The following GNB1 variants were observed in gnomAD, a reference collection of about 807,000 sequenced individuals.
GNB1 encodes the protein G protein subunit beta 1, also known as guanine nucleotide-binding protein G(I)/G(S)/G(T) subunit beta-1.
In GNB1, 2 loss-of-function variants were observed where a neutral mutation model predicts 42.9. That is an observed-to-expected ratio of 0.05 (90% CI 0.02 to 0.15). The LOEUF (loss-of-function observed/expected upper bound fraction) is 0.15. Ranked by LOEUF, GNB1 falls within the 10% of genes least tolerant of loss-of-function variation. GNB1 has a pLI of 1.00. For synonymous variants in GNB1, 183 were observed against 174.7 expected, an observed-to-expected ratio of 1.05 and a Z score of -0.38; for missense variants, 193 against 462.2, an observed-to-expected ratio of 0.42 and a Z score of 5.34.
intron 6 of GNB1, among the ~76,000 whole-genome samples, 156 bp downstream of exon 6, chr1:1,806,319 C>T (rs1316337488): frequency 6.6e-6 from 1 of 152,236 alleles, no homozygotes; most frequent in African/African-American, 2.4e-5. Flanking sequence ...CGTGACTCAG[C>T]TTCTATCTCA....
At chr1:1,884,464 G>C (rs1650035508) in intron 1 of GNB1, among the ~76,000 whole-genome samples, 1 of 152,054 alleles carries the variant, frequency 6.6e-6, no homozygotes, top group African/African-American at 2.4e-5. Context: ...CGCTCACCTT[G>C]GCCTCCCAAA....
chr1:1,812,116 A>G (rs1470326762), intron 5 of GNB1, among the ~76,000 whole-genome samples: 1 of 152,120 alleles, frequency 6.6e-6, no homozygotes. Flanking sequence ...GCTTTAAGTC[A>G]TGAAAAACAA....
At chr1:1,876,347 G>A (rs1419535498) in intron 1 of GNB1, among the ~76,000 whole-genome samples, 7 of 151,992 alleles carry the variant, frequency 4.6e-5, no homozygotes, top group Non-Finnish European at 8.8e-5. Context: ...GAGTGCAGTC[G>A]TACAATCAGG....
At chr1:1,795,746 C>T (rs1228461867) in intron 7 of GNB1, among the ~76,000 whole-genome samples, 1 of 53,778 alleles carries the variant, frequency 1.9e-5, no homozygotes, top group Non-Finnish European at 5.4e-5. Flanking sequence ...GAGTGAGACT[C>T]TGCCTCAAAA....
intron 6 of GNB1, among the ~76,000 whole-genome samples, chr1:1,805,870 A>T (rs998334936): frequency 6.6e-6 from 1 of 152,206 alleles, no homozygotes; most frequent in African/African-American, 2.4e-5. Flanking sequence ...TGGAATAACC[A>T]AAATGGACAT....
intron 2 of GNB1, among the ~76,000 whole-genome samples, chr1:1,836,026 G>T (rs1475436322): frequency 6.6e-6 from 1 of 151,110 alleles, no homozygotes; most frequent in Non-Finnish European, 1.5e-5. Flanking sequence ...GGAGGTCATG[G>T]ATGCAGTCAG....
Position 1,787,658 on chromosome 1 carries a change from T to C in GNB1, c.917-221A>G, listed in dbSNP as rs1410939115. On this transcript the variant is annotated intron_variant, in intron 10 of 11. Coordinates refer to ENST00000378609, the MANE Select transcript of GNB1 (RefSeq NM_002074.5). This position sits in a 1 kb window ranked among gnomAD's most constrained non-coding sequence, Gnocchi z 4.4. ...AAGACACGCACACACACGCAATCGATAAATCCAGAGCCCCTGGCATTGACT... is the reference window on the plus strand; with the variant it reads ...AAGACACGCACACACACGCAATCGACAAATCCAGAGCCCCTGGCATTGACT... Among the ~76,000 whole-genome samples the C allele has an allele frequency of 1.3e-5, 2 of 152,106 alleles. No individual in the cohort carries two copies. The highest frequency in any genetic ancestry group is 2.9e-5 in the Non-Finnish European group (2 of 68,020).
rs562731132 is a variant in GNB1 at position 1,841,105 on chromosome 1, T to C, written c.-95-1867A>G. Among the ~76,000 whole-genome samples the C allele has an allele frequency of 2.6e-5, 4 of 152,222 alleles. No individual in the cohort carries two copies. In the East Asian group the frequency reaches 7.7e-4, roughly 29 times the overall value. ...CGGGTTTTCACCATATTGGTCAGTA[T>C]GGTCTCGATCTCCTGACCTCGTGAT... On this transcript the variant is annotated intron_variant, in intron 1 of 11. Coordinates refer to ENST00000378609, the MANE Select transcript of GNB1 (RefSeq NM_002074.5).
At position 1,889,604 on chromosome 1, in the gene GNB1, G is replaced by C. The variant is rs935001892; in HGVS notation, c.-96+1216C>G. Among the ~76,000 whole-genome samples the C allele has an allele frequency of 1.1e-4, 16 of 147,764 alleles. 1 individual carries two copies. Among genetic ancestry groups the C allele is most frequent in the Admixed American group, 7.5e-4 (11 of 14,570 alleles). ...AGGCGGGAGGATCGCTTGAGCCCCA[G>C]AGTTCGAGACCAGCCTGGTTAACAG... On this transcript the variant is annotated intron_variant, in intron 1 of 11. Coordinates refer to ENST00000378609, the MANE Select transcript of GNB1 (RefSeq NM_002074.5).
At chr1:1,804,176 A>G (rs1350320731) in intron 7 of GNB1, among the ~76,000 whole-genome samples, 1 of 151,376 alleles carries the variant, frequency 6.6e-6, no homozygotes, top group East Asian at 2.0e-4. Context: ...GGGCGCCTGT[A>G]GTCCCAGCTA....
At chr1:1,807,482 AAAAAAAAAAAAC>A (rs1646716342) in intron 5 of GNB1, among the ~76,000 whole-genome samples, 1 of 149,226 alleles carries the variant, frequency 6.7e-6, no homozygotes, top group Non-Finnish European at 1.5e-5. Flanking sequence ...AAAAAAAAAA[AAAAAAAAAAAAC>A]AAACAGAAAG....
At chr1:1,835,560 T>C (rs570732886) in intron 2 of GNB1, among the ~76,000 whole-genome samples, 26 of 152,296 alleles carry the variant, frequency 1.7e-4, no homozygotes, top group African/African-American at 5.5e-4. Flanking sequence ...ACACTTTCCA[T>C]CCAGTCAGTG....
At chr1:1,835,793 C>A (rs1315047810) in intron 2 of GNB1, among the ~76,000 whole-genome samples, 1 of 151,874 alleles carries the variant, frequency 6.6e-6, no homozygotes, top group Non-Finnish European at 1.5e-5. Flanking sequence ...AAATGCCAGG[C>A]CAGGTGCAGT....
chr1:1,885,282 G>A (rs1224072675), intron 1 of GNB1, among the ~76,000 whole-genome samples: 5 of 150,506 alleles, frequency 3.3e-5, no homozygotes, highest in African/African-American at 4.9e-5. Context: ...GCATGGTGGC[G>A]GGCACCTGTA....
rs76616586 is a variant in GNB1 at position 1,883,470 on chromosome 1, A to G, written c.-96+7350T>C. 5.9e-4 allele frequency among the ~76,000 whole-genome samples: 89 copies of G among 151,816 alleles called. No homozygotes were observed. In the East Asian group the frequency reaches 0.016, roughly 28 times the overall value. On this transcript the variant is annotated intron_variant, in intron 1 of 11. Coordinates refer to ENST00000378609, the MANE Select transcript of GNB1 (RefSeq NM_002074.5). Reference sequence around the variant, plus strand: ...AAAAGAAAAATCTCAGTAAACTGTCATCTTATAACATTTGTTAACCTTGCC... The same window carrying G: ...AAAAGAAAAATCTCAGTAAACTGTCGTCTTATAACATTTGTTAACCTTGCC...
At chr1:1,834,769 T>C (rs371356006) in intron 2 of GNB1, among the ~76,000 whole-genome samples, 1 of 150,828 alleles carries the variant, frequency 6.6e-6, no homozygotes, top group Non-Finnish European at 1.5e-5. Flanking sequence ...CCCGGGTTCA[T>C]GCCATTCTCC....
intron 2 of GNB1, among the ~76,000 whole-genome samples, chr1:1,834,444 A>T (rs181732326): frequency 6.6e-6 from 1 of 152,308 alleles, no homozygotes; most frequent in East Asian, 1.9e-4. Flanking sequence ...AATCTAGCAC[A>T]TACTAGGACA....
At position 1,785,812 on chromosome 1, in the gene GNB1, T is replaced by G; in HGVS notation, c.*1251A>C. The G allele has an allele frequency of 2.5e-6, 1 of 392,318 alleles. No homozygotes were observed. Among genetic ancestry groups the G allele is most frequent in the Non-Finnish European group, 4.5e-6 (1 of 222,692 alleles). The allele number at this position is 392,318 out of a possible 1,614,324, so 24.3% of individuals were successfully genotyped here. ...GTCGTTTGCAACAGAACTTTTTTTT[T>G]TTTAAAGAAATAAAGAAAACAGTGA... On this transcript the variant is annotated 3_prime_UTR_variant, in exon 12 of 12. Transcript: ENST00000378609.
At chr1:1,884,161 C>T (rs1650018167) in intron 1 of GNB1, among the ~76,000 whole-genome samples, 1 of 147,514 alleles carries the variant, frequency 6.8e-6, no homozygotes, top group Admixed American at 6.8e-5. Flanking sequence ...GATGGAGTTT[C>T]CTTCTTGTTG....
Sources: gnomAD v4.1 joint callset for allele counts (sites outside exome capture counted in the v4.1 genomes callset) on GRCh38, gnomAD v4.1.1 for gene constraint, Gnocchi (gnomAD v3.1) non-coding constraint, MANE v1.5 for transcripts, NCBI Gene and HGNC (gene_info 2026-07-23, HGNC 2026-07-21) for gene names.